The following ANKFN1 variants were observed in gnomAD, a reference collection of about 807,000 sequenced individuals.
The protein encoded by ANKFN1 is ankyrin repeat and fibronectin type III domain containing 1, also known as ankyrin repeat and fibronectin type-III domain-containing protein 1.
Under a neutral mutation model 108.7 loss-of-function variants are expected in ANKFN1, and 74 were observed. That is an observed-to-expected ratio of 0.68 (90% confidence interval 0.56 to 0.83). ANKFN1 has a LOEUF of 0.83. Among genes scored for constraint, ANKFN1 ranks in the 40% least tolerant of loss-of-function variants. The probability of loss-of-function intolerance (pLI) is 0.00; values close to 1 mark genes in which losing one functional copy is unlikely to be tolerated. For synonymous variants in ANKFN1, 547 were observed against 516.2 expected (o/e 1.06, Z -0.81); for missense variants, 1,505 against 1,382.3 (o/e 1.09, Z -1.41).
intron 3 of ANKFN1, among the ~76,000 whole-genome samples, chr17:56,266,607 G>A (rs1024905092): frequency 6.6e-6 from 1 of 152,078 alleles, no homozygotes; most frequent in Non-Finnish European, 1.5e-5. Context: ...TAGTTTGCCA[G>A]TGTAGACATT....
intron 3 of ANKFN1, among the ~76,000 whole-genome samples, chr17:56,231,169 T>G (rs1284919878): frequency 6.6e-6 from 1 of 152,138 alleles, no homozygotes; most frequent in Admixed American, 6.6e-5. Context: ...TTTTTTCCTG[T>G]ATTCAACAAG....
intron 3 of ANKFN1, among the ~76,000 whole-genome samples, chr17:56,292,372 T>C (rs2044386482): frequency 6.6e-6 from 1 of 152,098 alleles, no homozygotes; most frequent in South Asian, 2.1e-4. Flanking sequence ...AAAAGAAAAA[T>C]GCCATCTCCT....
At chr17:56,166,685 C>T (rs1262888301) in intron 1 of ANKFN1, among the ~76,000 whole-genome samples, 1 of 152,138 alleles carries the variant, frequency 6.6e-6, no homozygotes, top group Non-Finnish European at 1.5e-5. Flanking sequence ...ATCTGACCCA[C>T]CCTACAAAGC....
chr17:56,112,380 C>CTGGATAA (rs1906017788), intron 4 of ANKFN1, among the ~76,000 whole-genome samples: 1 of 151,912 alleles, frequency 6.6e-6, no homozygotes, highest in South Asian at 2.1e-4. Context: ...CAACTAAAAT[C>CTGGATAA]AATTTTATCC....
chr17:56,364,652 G>A (rs957673950), intron 6 of ANKFN1, among the ~76,000 whole-genome samples: 1 of 152,138 alleles, frequency 6.6e-6, no homozygotes, highest in Admixed American at 6.5e-5. Context: ...TTTCCCCTTT[G>A]AGTTTGATGA....
At chr17:56,505,757 G>A (rs1281219223) in intron 20 of ANKFN1, among the ~76,000 whole-genome samples, 1 of 152,192 alleles carries the variant, frequency 6.6e-6, no homozygotes, top group Non-Finnish European at 1.5e-5. Flanking sequence ...TTCCTTGAGA[G>A]ACTGGGTCTT....
chr17:56,055,566 C>CATATATATATATATATATACATAT, intron 4 of ANKFN1, among the ~76,000 whole-genome samples: 1 of 47,460 alleles, frequency 2.1e-5, no homozygotes, highest in African/African-American at 1.3e-4. Context: ...GGTATATATA[C>CATATATATATATATATATACATAT]ATATATATAT....
chr17:56,293,393 AGG>A (rs2044418281), intron 3 of ANKFN1, among the ~76,000 whole-genome samples: 1 of 152,162 alleles, frequency 6.6e-6, no homozygotes, highest in African/African-American at 2.4e-5. Flanking sequence ...ACAACTTTTC[AGG>A]TTTGGTGTGT....
intron 8 of ANKFN1, among the ~76,000 whole-genome samples, chr17:56,416,655 C>T (rs548928934): frequency 2.6e-5 from 4 of 152,052 alleles, no homozygotes; most frequent in Non-Finnish European, 5.9e-5. Context: ...GGAGATTTCT[C>T]AAAAAACTAA....
chr17:56,516,443 T>C lies in ANKFN1; in HGVS notation c.*5174T>C, dbSNP rs1434235162. Among the ~76,000 whole-genome samples, 1 of 152,244 alleles carries C rather than the reference T, an allele frequency of 6.6e-6. No individual in the cohort carries two copies. The highest frequency in any genetic ancestry group is 1.5e-5 in the Non-Finnish European group (1 of 68,042). ...ATTTATTGTGTCTTATTGCTATGTA[T>C]GCAACTGAGTGTATGTTAAAGTTTA... On this transcript the variant is annotated 3_prime_UTR_variant, in exon 21 of 21. Coordinates refer to ENST00000682825, the MANE Select transcript of ANKFN1 (RefSeq NM_001370326.1).
At chr17:56,267,056 C>T (rs751741318) in intron 3 of ANKFN1, among the ~76,000 whole-genome samples, 19 of 152,046 alleles carry the variant, frequency 1.2e-4, no homozygotes, top group Non-Finnish European at 2.4e-4. Flanking sequence ...GTAGTTTTTC[C>T]GTCCTCAGCC....
intron 4 of ANKFN1, among the ~76,000 whole-genome samples, chr17:56,101,039 T>C (rs900489771): frequency 6.6e-6 from 1 of 152,092 alleles, no homozygotes; most frequent in African/African-American, 2.4e-5. Context: ...GGAGGAGACA[T>C]TGGGATCCAC....
At chr17:56,424,939 G>C (rs763575700) in intron 8 of ANKFN1, among the ~76,000 whole-genome samples, 6 of 152,162 alleles carry the variant, frequency 3.9e-5, no homozygotes, top group Non-Finnish European at 8.8e-5. Context: ...GTAGAATTGA[G>C]ATGGTGACAG....
intron 1 of ANKFN1, among the ~76,000 whole-genome samples, chr17:56,210,069 G>C (rs201489217): frequency 6.7e-6 from 1 of 148,650 alleles, no homozygotes; most frequent in Admixed American, 6.7e-5. Flanking sequence ...TACATAGATA[G>C]ATAGATAGAT....
chr17:56,125,687 G>A (rs1906881986), intron 4 of ANKFN1, among the ~76,000 whole-genome samples: 1 of 152,200 alleles, frequency 6.6e-6, no homozygotes, highest in South Asian at 2.1e-4. Context: ...CTTTCTCCAG[G>A]CATGTGGATC....
chr17:56,258,981 T>A (rs1257055800), intron 3 of ANKFN1, among the ~76,000 whole-genome samples: 2 of 152,098 alleles, frequency 1.3e-5, no homozygotes, highest in Admixed American at 1.3e-4. Context: ...TCCTTTGCGC[T>A]CATGAAATTT....
At chr17:56,253,473 C>T (rs2043283161) in intron 3 of ANKFN1, among the ~76,000 whole-genome samples, 1 of 152,312 alleles carries the variant, frequency 6.6e-6, no homozygotes, top group African/African-American at 2.4e-5. Context: ...CGCAATGGTT[C>T]ACACCCATAA....
chr17:56,178,081 C>T (rs1163863316), intron 1 of ANKFN1, among the ~76,000 whole-genome samples: 3 of 152,112 alleles, frequency 2.0e-5, no homozygotes, highest in Non-Finnish European at 2.9e-5. Context: ...GTCATTCGCC[C>T]TCCCTTGGAA....
intron 15 of ANKFN1, among the ~76,000 whole-genome samples, chr17:56,470,102 C>T (rs920734131): frequency 1.1e-4 from 16 of 152,228 alleles, no homozygotes; most frequent in Middle Eastern, 6.8e-3. Context: ...TCCATGTCCC[C>T]GCAAAGGACA....
Sources: gnomAD v4.1 joint callset for allele counts (sites outside exome capture counted in the v4.1 genomes callset) on GRCh38, gnomAD v4.1.1 for gene constraint, MANE v1.5 for transcripts, NCBI Gene and HGNC (gene_info 2026-07-23, HGNC 2026-07-21) for gene names.